Variants in ZNF487 observed in about 807,000 individuals in gnomAD.
ZNF487 encodes the protein zinc finger protein 487.
A neutral mutation model predicts 3.0 loss-of-function variants in ZNF487; 4 were observed. That is an observed-to-expected ratio of 1.35 (90% CI 0.66 to 3.08). The LOEUF is 3.08. Ranked by LOEUF, ZNF487 falls within the 30% of genes most tolerant of loss-of-function variation. The pLI is 0.01. For synonymous variants in ZNF487, 55 were observed against 34.6 expected, an observed-to-expected ratio of 1.59 and a Z score of -2.06; for missense variants, 146 against 98.7, an observed-to-expected ratio of 1.48 and a Z score of -2.03.
chr10:43,443,148 T>A (rs1271578833), intron 1 of ZNF487, among the ~76,000 whole-genome samples: 2 of 146,566 alleles, frequency 1.4e-5, no homozygotes, highest in African/African-American at 5.0e-5. Context: ...CTGCAACCTC[T>A]GCCTCCTGGA....
At chr10:43,493,713 T>A in the ZNF487 span, among the ~76,000 whole-genome samples, 6,024 of 20,160 alleles carry the variant, frequency 0.3, 441 homozygotes, top group East Asian at 0.32. Context: ...AAAAAAAATA[T>A]ATATATATAT....
chr10:43,488,665 G>A, the ZNF487 span, among the ~76,000 whole-genome samples: 113 of 152,212 alleles, frequency 7.4e-4, no homozygotes, highest in Non-Finnish European at 1.0e-3. Flanking sequence ...AATAAATACA[G>A]GATGTTCTAT....
At chr10:43,481,154 A>C (rs1841339214) in intron 3 of ZNF487, among the ~76,000 whole-genome samples, 1 of 151,278 alleles carries the variant, frequency 6.6e-6, no homozygotes, top group African/African-American at 2.4e-5. Context: ...AAGGCAAAAA[A>C]CTCCATCTCT....
intron 1 of ZNF487, among the ~76,000 whole-genome samples, chr10:43,459,430 A>G (rs965119574): frequency 1.3e-5 from 2 of 151,872 alleles, no homozygotes; most frequent in Non-Finnish European, 2.9e-5. Context: ...GGGTTTTGCC[A>G]TGTTGGCCAG....
At chr10:43,438,897 A>G (rs555747829) in intron 1 of ZNF487, among the ~76,000 whole-genome samples, 1 of 152,176 alleles carries the variant, frequency 6.6e-6, no homozygotes, top group African/African-American at 2.4e-5. Context: ...CCTGAGCAAC[A>G]TAGCGAGATC....
intron 1 of ZNF487, among the ~76,000 whole-genome samples, chr10:43,463,681 C>T (rs1459088795): frequency 1.3e-5 from 2 of 149,596 alleles, no homozygotes; most frequent in Non-Finnish European, 3.0e-5. Context: ...CGAGCCACCT[C>T]ACCTAGCCTC....
At chr10:43,498,094 TATATATTTTTTTTTTTTTTC>T in the ZNF487 span, among the ~76,000 whole-genome samples, 304 of 13,078 alleles carry the variant, frequency 0.023, 44 homozygotes, top group East Asian at 0.1. Flanking sequence ...TATATATATA[TATATATTTTTTTTTTTTTTC>T]TTTTTTTTTT....
chr10:43,482,894 C>G lies in ZNF487; in HGVS notation c.*972C>G. The G allele has an allele frequency of 1.9e-6, 1 of 520,258 alleles. No homozygotes were observed. The highest frequency in any genetic ancestry group is 1.4e-5 in the South Asian group (1 of 69,824). 32.2% of individuals were successfully genotyped at this position (520,258 alleles called of 1,614,324 possible). A position where few individuals can be genotyped will look rare whatever the true frequency, so the allele number is the denominator to read the frequency against. On this transcript the variant is annotated 3_prime_UTR_variant, in exon 4 of 4. Coordinates refer to ENST00000437590, the MANE Select transcript of ZNF487 (RefSeq NM_001355444.3). ...CATCCCTCACAGTACATCAGAGAAC[C>G]CACACAGGAGAGAAACCCTATGCAT...
chr10:43,518,963 A>G, the ZNF487 span, among the ~76,000 whole-genome samples: 1 of 152,232 alleles, frequency 6.6e-6, no homozygotes, highest in East Asian at 1.9e-4. Context: ...AAAAAGTAAA[A>G]TTATATCTCA....
chr10:43,473,335 C>T (rs1383504540), intron 1 of ZNF487, among the ~76,000 whole-genome samples: 2 of 151,894 alleles, frequency 1.3e-5, no homozygotes, highest in Admixed American at 6.6e-5. Context: ...CCATTTCGGC[C>T]TCCCAAAGTG....
chr10:43,476,111 T>C lies in ZNF487; in HGVS notation c.39T>C (p.Tyr13=). 1 of 717,446 alleles carries C rather than the reference T, an allele frequency of 1.4e-6. No homozygotes were observed. Among genetic ancestry groups the C allele is most frequent in the South Asian group, 1.5e-5 (1 of 67,588 alleles). 44.4% of individuals were successfully genotyped at this position (717,446 alleles called of 1,614,324 possible). ...ENYSLLLSVG[Y]CITKPEVVCK... ...CTGTGTCATTTTCATTCACAGGATA[T>C]TGCATTACCAAACCAGAGGTGGTTT... is the stretch of plus-strand genomic sequence containing the variant. Residue 13 remains tyrosine (Y), a synonymous_variant, in exon 3 of 4, where the codon TAT becomes TAC. Coordinates refer to ENST00000437590, the MANE Select transcript of ZNF487 (RefSeq NM_001355444.3).
intron 1 of ZNF487, among the ~76,000 whole-genome samples, chr10:43,438,959 A>G (rs1197591084): frequency 2.0e-5 from 3 of 151,892 alleles, no homozygotes; most frequent in African/African-American, 4.8e-5. Flanking sequence ...TTAGCTGGGC[A>G]GGCCGGGCGC....
the ZNF487 span, among the ~76,000 whole-genome samples, chr10:43,505,195 G>A: frequency 6.6e-6 from 1 of 151,822 alleles, no homozygotes; most frequent in Non-Finnish European, 1.5e-5. Context: ...TTACCACTCT[G>A]GTTTGAATGA....
chr10:43,480,372 C>G (rs867211169), intron 3 of ZNF487, among the ~76,000 whole-genome samples: 1 of 151,408 alleles, frequency 6.6e-6, no homozygotes, highest in African/African-American at 2.4e-5. Flanking sequence ...TCCCAAAGTG[C>G]TGGGATTACA....
chr10:43,470,078 C>T (rs1840851268), intron 1 of ZNF487, among the ~76,000 whole-genome samples: 1 of 152,198 alleles, frequency 6.6e-6, no homozygotes. Context: ...TCGCATGACT[C>T]AAGTGACATT....
At chr10:43,474,362 G>T (rs1186967514) in intron 1 of ZNF487, among the ~76,000 whole-genome samples, 2 of 151,880 alleles carry the variant, frequency 1.3e-5, no homozygotes, top group Non-Finnish European at 2.9e-5. Context: ...GCTGAAGCAG[G>T]AGAATTGCTT....
At chr10:43,466,058 C>G (rs1424211983) in intron 1 of ZNF487, among the ~76,000 whole-genome samples, 3 of 152,152 alleles carry the variant, frequency 2.0e-5, no homozygotes, top group African/African-American at 7.2e-5. Context: ...CGTGGCGGTG[C>G]GCGCCTGCAA....
intron 1 of ZNF487, among the ~76,000 whole-genome samples, chr10:43,470,587 G>A (rs896442024): frequency 1.3e-5 from 2 of 152,070 alleles, no homozygotes; most frequent in African/African-American, 2.4e-5. Flanking sequence ...GGTTCTCCAT[G>A]TTGGTCAGGC....
the ZNF487 span, among the ~76,000 whole-genome samples, chr10:43,503,091 T>A: frequency 6.6e-6 from 1 of 150,910 alleles, no homozygotes; most frequent in Non-Finnish European, 1.5e-5. Context: ...TAAGAGGTAT[T>A]CCAGAAGGCA....
Sources: gnomAD v4.1 joint callset for allele counts (sites outside exome capture counted in the v4.1 genomes callset) on GRCh38, gnomAD v4.1.1 for gene constraint, MANE v1.5 for transcripts, NCBI Gene and HGNC (gene_info 2026-07-23, HGNC 2026-07-21) for gene names.